TNKS: variants seen among roughly 807,000 people sequenced by gnomAD.
TNKS encodes the protein poly [ADP-ribose] polymerase tankyrase-1.
Under a neutral mutation model 135.8 loss-of-function variants are expected in TNKS, and 72 were observed. The ratio of observed to expected loss-of-function variants is 0.53; its 90% CI spans 0.44 to 0.64. TNKS has a LOEUF of 0.64. Ranked by LOEUF, TNKS falls within the 30% of genes least tolerant of loss-of-function variation. The pLI, the probability that TNKS is intolerant of heterozygous loss-of-function variation, is 0.00. For synonymous variants in TNKS, 849 were observed against 649.3 expected, an observed-to-expected ratio of 1.31 and a Z score of -4.68; for missense variants, 1,769 against 1,674.0, an observed-to-expected ratio of 1.06 and a Z score of -0.99.
At chr8:9,715,559 C>A (rs913489235) in intron 11 of TNKS, among the ~76,000 whole-genome samples, 1 of 152,018 alleles carries the variant, frequency 6.6e-6, no homozygotes, top group Non-Finnish European at 1.5e-5. Context: ...TCCCAGTGCC[C>A]GTGACCAAAT....
intron 20 of TNKS, among the ~76,000 whole-genome samples, chr8:9,760,632 G>T (rs115491273): frequency 0.011 from 1,676 of 152,280 alleles, 32 homozygotes; most frequent in African/African-American, 0.038. Flanking sequence ...CTGGAAAATT[G>T]CATGTTCAGC....
Position 9,704,643 on chromosome 8 carries a change from G to A in TNKS, c.1108-20G>A. The stretch of plus-strand genomic sequence containing the variant: ...TGTTTGTTTGTTTTTACCTGAAAAG[G>A]GGATGTTTTTCTTTTCTAGTCGACT... On this transcript the variant is annotated intron_variant, in intron 5 of 26. Transcript: ENST00000310430. 6.3e-7 allele frequency: 1 copy of A among 1,586,126 alleles called. No homozygotes were observed. The highest frequency in any genetic ancestry group is 8.6e-7 in the Non-Finnish European group (1 of 1,157,696).
chr8:9,688,724 C>T (rs965939710), intron 5 of TNKS, among the ~76,000 whole-genome samples: 2 of 152,158 alleles, frequency 1.3e-5, no homozygotes, highest in Non-Finnish European at 2.9e-5. Flanking sequence ...ACTGCAAGCT[C>T]CGCCTCCTGG....
At chr8:9,611,234 T>C (rs1015691499) in intron 2 of TNKS, among the ~76,000 whole-genome samples, 1 of 152,184 alleles carries the variant, frequency 6.6e-6, no homozygotes, top group African/African-American at 2.4e-5. Flanking sequence ...CTCTGGAATT[T>C]GAGGTTTAAT....
chr8:9,652,035 A>C (rs182257760), intron 3 of TNKS, among the ~76,000 whole-genome samples: 73 of 152,358 alleles, frequency 4.8e-4, no homozygotes, highest in Non-Finnish European at 8.5e-4. Flanking sequence ...TGTGAAGTTT[A>C]AAATTAATGA....
At position 9,763,282 on chromosome 8, in the gene TNKS, A is replaced by G. The variant is rs906561110; in HGVS notation, c.3372+38A>G. Reference sequence around the variant, plus strand: ...AGAAATCTTTCATTTGCTTTTCTTGAAATCTGTGGATAAACCTCTTTTTCT... The same window carrying G: ...AGAAATCTTTCATTTGCTTTTCTTGGAATCTGTGGATAAACCTCTTTTTCT... On this transcript the variant is annotated intron_variant, in intron 22 of 26. Coordinates refer to ENST00000310430, the MANE Select transcript of TNKS (RefSeq NM_003747.3). 2.9e-6 allele frequency: 4 copies of G among 1,397,624 alleles called. No homozygotes were observed. The African/African-American group carries it at 5.7e-5, about 20-fold the overall frequency. 86.6% of individuals were successfully genotyped at this position (1,397,624 alleles called of 1,614,324 possible). A position where few individuals can be genotyped will look rare whatever the true frequency, so the allele number is the denominator to read the frequency against.
chr8:9,644,222 C>G (rs763831990), intron 3 of TNKS, among the ~76,000 whole-genome samples: 1 of 152,082 alleles, frequency 6.6e-6, no homozygotes. Context: ...TGTGAGTATG[C>G]TTAATGCCAC....
At chr8:9,774,422 G>A (rs992044312) in intron 26 of TNKS, among the ~76,000 whole-genome samples, 1 of 152,104 alleles carries the variant, frequency 6.6e-6, no homozygotes, top group African/African-American at 2.4e-5. Flanking sequence ...TTAGGGATTT[G>A]GATTAAGAAG....
intron 2 of TNKS, among the ~76,000 whole-genome samples, chr8:9,605,380 C>G (rs952112568): frequency 1.3e-5 from 2 of 151,912 alleles, no homozygotes; most frequent in African/African-American, 4.8e-5. Context: ...TATGACTGAG[C>G]TATAGTTTGC....
At chr8:9,574,543 T>A (rs947643863) in intron 1 of TNKS, among the ~76,000 whole-genome samples, 5 of 152,206 alleles carry the variant, frequency 3.3e-5, no homozygotes, top group Non-Finnish European at 7.3e-5. Context: ...CTTTTAAGAT[T>A]TAAATAGAAT....
intron 5 of TNKS, among the ~76,000 whole-genome samples, chr8:9,692,832 A>G (rs1291639107): frequency 6.6e-6 from 1 of 152,198 alleles, no homozygotes; most frequent in African/African-American, 2.4e-5. Context: ...CCTGATCTTC[A>G]TTATGGTACT....
chr8:9,612,325 T>C (rs1452387094), intron 2 of TNKS, among the ~76,000 whole-genome samples: 1 of 152,212 alleles, frequency 6.6e-6, no homozygotes, highest in East Asian at 1.9e-4. Flanking sequence ...TCAGTTCTTA[T>C]CTCAATGTAG....
chr8:9,595,741 A>G (rs1309001558), intron 2 of TNKS, among the ~76,000 whole-genome samples: 1 of 152,166 alleles, frequency 6.6e-6, no homozygotes, highest in Non-Finnish European at 1.5e-5. Context: ...GGCTTTACTT[A>G]ATGCCCAGGT....
chr8:9,768,206 G>C lies in TNKS; in HGVS notation c.3740+1781G>C, dbSNP rs943794040. 2.6e-5 allele frequency among the ~76,000 whole-genome samples: 4 copies of C among 152,174 alleles called. No individual in the cohort carries two copies. In the South Asian group the frequency reaches 6.2e-4, roughly 24 times the overall value. On this transcript the variant is annotated intron_variant, in intron 25 of 26. Coordinates refer to ENST00000310430, the MANE Select transcript of TNKS (RefSeq NM_003747.3). The stretch of plus-strand genomic sequence containing the variant: ...AGCCTCAAGCAAAAGCATGTGACTA[G>C]TATTTGGCCAGTGCAGCCCCAGGGA...
intron 2 of TNKS, among the ~76,000 whole-genome samples, chr8:9,592,446 T>C (rs1466511102): frequency 6.6e-6 from 1 of 152,204 alleles, no homozygotes; most frequent in African/African-American, 2.4e-5. Context: ...AAGACTGGTC[T>C]TTATAGTTCT....
intron 25 of TNKS, 56 bp downstream of exon 25, chr8:9,766,481 G>GTAT: frequency 1.1e-5 from 9 of 796,230 alleles, no homozygotes; most frequent in Non-Finnish European, 1.6e-5. Context: ...GAACCAAATT[G>GTAT]TCTTTTTTTT....
At chr8:9,702,309 G>GCACACACA (rs750772294) in intron 5 of TNKS, among the ~76,000 whole-genome samples, 1 of 149,946 alleles carries the variant, frequency 6.7e-6, no homozygotes, top group Non-Finnish European at 1.5e-5. Context: ...GCGTGTGCGT[G>GCACACACA]CACACACACA....
At chr8:9,746,114 T>G (rs1806221868) in intron 17 of TNKS, among the ~76,000 whole-genome samples, 1 of 152,156 alleles carries the variant, frequency 6.6e-6, no homozygotes, top group Admixed American at 6.6e-5. Flanking sequence ...TGATGTGCTT[T>G]TGAGTTAATT....
At position 9,751,628 on chromosome 8, in the gene TNKS, T is replaced by C; in HGVS notation, c.2852T>C (p.Leu951Ser). 1 of 1,614,150 alleles carries C rather than the reference T, an allele frequency of 6.2e-7. No individual in the cohort carries two copies. Among genetic ancestry groups the C allele is most frequent in the Non-Finnish European group, 8.5e-7 (1 of 1,179,994 alleles). The change falls in exon 19 of 27, where the codon TTG (leucine) becomes TCG (serine). Residue 951 changes from leucine to serine, a missense_variant. Transcript: ENST00000310430. ...TTTTAGGCTGACGATATCAGAGCTT[T>C]GCTGATAGATGCCATGCCCCCAGAG... is the stretch of plus-strand genomic sequence containing the variant. ...DLATADDIRA[L>S]LIDAMPPEAL...
Sources: allele counts gnomAD v4.1 joint callset (sites outside exome capture counted in the v4.1 genomes callset), GRCh38; gene constraint gnomAD v4.1.1; transcripts MANE v1.5; gene names NCBI Gene and HGNC (gene_info 2026-07-23, HGNC 2026-07-21).